PKIG: variants seen among roughly 807,000 people sequenced by gnomAD.
PKIG encodes protein kinase (cAMP-dependent, catalytic) inhibitor gamma.
PKIG carries 1 observed loss-of-function variant against 6.8 expected under a neutral mutation model. That is an observed-to-expected ratio of 0.15 (90% CI 0.05 to 0.69). The LOEUF is 0.69. PKIG is among the 30% of genes least tolerant of loss of function. The pLI is 0.82. For missense variants in PKIG, 77 were observed against 104.0 expected (o/e 0.74, Z 1.13); for synonymous variants, 39 against 43.0 (o/e 0.91, Z 0.36).
intron 2 of PKIG, among the ~76,000 whole-genome samples, chr20:44,607,377 AT>A (rs59226646): frequency 0.07 from 6,581 of 94,110 alleles, 171 homozygotes; most frequent in South Asian, 0.14. Flanking sequence ...ATATATATAT[AT>A]TTTTTTTTTT....
chr20:44,576,645 C>T (rs750791136), intron 1 of PKIG, among the ~76,000 whole-genome samples: 1 of 152,180 alleles, frequency 6.6e-6, no homozygotes, highest in African/African-American at 2.4e-5. Flanking sequence ...TTCTCTGGAT[C>T]TGGCATTCCT....
At chr20:44,588,170 G>A (rs1405381129) in intron 1 of PKIG, among the ~76,000 whole-genome samples, 1 of 152,238 alleles carries the variant, frequency 6.6e-6, no homozygotes. Flanking sequence ...TATTTGTTGA[G>A]AACCTAATAT....
At chr20:44,550,108 T>G (rs1380839480) in intron 1 of PKIG, among the ~76,000 whole-genome samples, 2 of 149,740 alleles carry the variant, frequency 1.3e-5, no homozygotes, top group Non-Finnish European at 3.0e-5. Context: ...TTCTTTCATT[T>G]AAATATGTAG....
rs565741416 is a variant in PKIG, at chr20:44,538,921, C to CT, written c.-241+6954dup. On this transcript the variant is annotated intron_variant, in intron 1 of 4. Coordinates refer to the PKIG transcript ENST00000372887. ...TACAGATGTGTGTCAGTGTACCTAG[C>CT]TTTTTTTTTTTCTTTCTTTTTGACA... is the stretch of plus-strand genomic sequence containing the variant. Among the ~76,000 whole-genome samples the CT allele has an allele frequency of 1.5e-3, 223 of 146,834 alleles. 2 individuals are homozygous for CT. In the South Asian group the frequency reaches 0.033, roughly 22 times the overall value.
intron 2 of PKIG, among the ~76,000 whole-genome samples, chr20:44,598,124 C>G (rs373677197): frequency 1.2e-4 from 19 of 152,276 alleles, no homozygotes; most frequent in African/African-American, 4.3e-4. Context: ...GGCTGCTGCT[C>G]TTTCCTGGCC....
At chr20:44,600,209 C>T (rs1033545738) in intron 2 of PKIG, among the ~76,000 whole-genome samples, 4 of 151,898 alleles carry the variant, frequency 2.6e-5, no homozygotes, top group African/African-American at 9.7e-5. Context: ...CAAAATGGAC[C>T]AAGAAGAGAG....
intron 1 of PKIG, among the ~76,000 whole-genome samples, chr20:44,561,146 A>G (rs1027244031): frequency 5.9e-5 from 9 of 152,100 alleles, no homozygotes; most frequent in African/African-American, 2.2e-4. Flanking sequence ...GACCAGCCTG[A>G]CCAACATAGT....
At chr20:44,533,763 A>G (rs938534977) in intron 1 of PKIG, among the ~76,000 whole-genome samples, 3 of 152,226 alleles carry the variant, frequency 2.0e-5, no homozygotes, top group South Asian at 2.1e-4. Context: ...AGTCTACACT[A>G]AAAGAAATGG....
At chr20:44,603,315 A>G (rs1218812098) in intron 2 of PKIG, among the ~76,000 whole-genome samples, 1 of 152,196 alleles carries the variant, frequency 6.6e-6, no homozygotes, top group Non-Finnish European at 1.5e-5. Context: ...ATTGCATTCC[A>G]CTTACATTCC....
intron 1 of PKIG, among the ~76,000 whole-genome samples, chr20:44,569,867 G>A (rs563617261): frequency 2.6e-5 from 4 of 152,280 alleles, no homozygotes; most frequent in East Asian, 1.9e-4. Context: ...AGTGGCTCAC[G>A]CCTGTAATCC....
chr20:44,585,827 A>G (rs2064985619), intron 1 of PKIG, among the ~76,000 whole-genome samples: 1 of 152,258 alleles, frequency 6.6e-6, no homozygotes, highest in African/African-American at 2.4e-5. Flanking sequence ...GGGAATTTGC[A>G]GCCCTGCATC....
At chr20:44,536,720 A>G (rs1013193962) in intron 1 of PKIG, among the ~76,000 whole-genome samples, 7 of 152,244 alleles carry the variant, frequency 4.6e-5, no homozygotes, top group African/African-American at 1.7e-4. Flanking sequence ...TGATTTGCAC[A>G]TAGAGAGATG....
At chr20:44,609,923 C>T (rs1221623163) in intron 2 of PKIG, among the ~76,000 whole-genome samples, 2 of 152,238 alleles carry the variant, frequency 1.3e-5, no homozygotes, top group Non-Finnish European at 2.9e-5. Context: ...GGCCATGGTA[C>T]CTTTCCTTAT....
intron 1 of PKIG, among the ~76,000 whole-genome samples, chr20:44,565,215 C>T (rs756808142): frequency 2.1e-4 from 32 of 152,110 alleles, no homozygotes; most frequent in Non-Finnish European, 4.3e-4. Flanking sequence ...TTCTGTTTGT[C>T]AGGCCTTCTG....
At chr20:44,544,323 GAGT>G (rs923317140) in intron 1 of PKIG, among the ~76,000 whole-genome samples, 8 of 151,574 alleles carry the variant, frequency 5.3e-5, no homozygotes, top group African/African-American at 1.5e-4. Flanking sequence ...TTTTTTCTAT[GAGT>G]AGGTGAATGG....
At chr20:44,561,422 A>G (rs796664852) in intron 1 of PKIG, among the ~76,000 whole-genome samples, 13 of 152,214 alleles carry the variant, frequency 8.5e-5, no homozygotes, top group African/African-American at 2.9e-4. Flanking sequence ...ACCAAAACAT[A>G]TAATAATCAA....
intron 2 of PKIG, among the ~76,000 whole-genome samples, chr20:44,602,840 C>CAA (rs3091836): frequency 6.6e-4 from 51 of 76,910 alleles, no homozygotes; most frequent in Admixed American, 1.7e-3. Flanking sequence ...GACTCCATCT[C>CAA]AAAAAAAAAA....
chr20:44,571,091 G>A (rs915848583), intron 1 of PKIG, among the ~76,000 whole-genome samples: 3 of 151,982 alleles, frequency 2.0e-5, no homozygotes, highest in Admixed American at 6.6e-5. Context: ...AAAATTAACC[G>A]GATGTGGTGG....
At chr20:44,597,613 A>G (rs1417351620) in intron 2 of PKIG, among the ~76,000 whole-genome samples, 1 of 152,250 alleles carries the variant, frequency 6.6e-6, no homozygotes, top group Non-Finnish European at 1.5e-5. Context: ...TCTTCAACCC[A>G]TGAAAGTCTG....
Sources: gnomAD v4.1 joint callset for allele counts (sites outside exome capture counted in the v4.1 genomes callset) on GRCh38, gnomAD v4.1.1 for gene constraint, MANE v1.5 for transcripts, NCBI Gene and HGNC (gene_info 2026-07-23, HGNC 2026-07-21) for gene names.